CPM: variants seen among roughly 807,000 people sequenced by gnomAD.
CPM encodes the protein renal carboxypeptidase.
A neutral mutation model predicts 46.4 loss-of-function variants in CPM; 35 were observed. The ratio of observed to expected loss-of-function variants is 0.75; its 90% CI spans 0.58 to 1.00. The LOEUF (loss-of-function observed/expected upper bound fraction) is 1.00. Ranked by LOEUF, CPM falls within the 50% of genes least tolerant of loss-of-function variation. The probability of loss-of-function intolerance (pLI) is 0.00; values close to 1 mark genes in which losing one functional copy is unlikely to be tolerated. For missense variants in CPM, 422 were observed against 530.4 expected, an observed-to-expected ratio of 0.80 and a Z score of 2.01; for synonymous variants, 195 against 195.3, an observed-to-expected ratio of 1.00 and a Z score of 0.01.
intron 1 of CPM, among the ~76,000 whole-genome samples, chr12:68,945,525 G>GC (rs527538817): frequency 1.0e-3 from 152 of 152,332 alleles, no homozygotes; most frequent in African/African-American, 3.5e-3. Context: ...GGCAAGGGTT[G>GC]CCCCCAAGGT....
chr12:68,867,054 C>T lies in CPM; in HGVS notation c.788-6G>A, dbSNP rs1394126687. On this transcript the variant is annotated splice_polypyrimidine_tract_variant and splice_region_variant and intron_variant, in intron 6 of 8. Coordinates refer to ENST00000551568, the MANE Select transcript of CPM (RefSeq NM_198320.5). ...GTTGTAATCTTGCATTCCACCTAAA[C>T]ACAAGCATATTTAATTTTTGTTAGG... is the stretch of plus-strand genomic sequence containing the variant. 6.2e-7 allele frequency: 1 copy of T among 1,613,504 alleles called. No homozygotes were observed. The highest frequency in any genetic ancestry group is 8.5e-7 in the Non-Finnish European group (1 of 1,179,850).
At chr12:68,943,858 C>T (rs1888801738) in intron 1 of CPM, among the ~76,000 whole-genome samples, 1 of 151,642 alleles carries the variant, frequency 6.6e-6, no homozygotes, top group Non-Finnish European at 1.5e-5. Flanking sequence ...TCGAGAAAAC[C>T]ATTTCTGGAT....
intron 2 of CPM, among the ~76,000 whole-genome samples, chr12:68,923,614 C>A (rs1888130613): frequency 6.6e-6 from 1 of 152,060 alleles, no homozygotes; most frequent in African/African-American, 2.4e-5. Context: ...TTCAAAAGAT[C>A]AATATAGTGT....
At chr12:68,941,963 T>C (rs1185771373) in intron 1 of CPM, among the ~76,000 whole-genome samples, 10 of 152,248 alleles carry the variant, frequency 6.6e-5, no homozygotes. Context: ...TGGTTTTTGT[T>C]AAGGTCCAAG....
chr12:68,890,743 G>A (rs933651307), intron 2 of CPM, among the ~76,000 whole-genome samples: 4 of 152,154 alleles, frequency 2.6e-5, no homozygotes, highest in Non-Finnish European at 4.4e-5. Context: ...AACTGAATCC[G>A]AGGCCACCCC....
At chr12:68,914,960 T>A (rs941797412) in intron 2 of CPM, among the ~76,000 whole-genome samples, 3 of 152,182 alleles carry the variant, frequency 2.0e-5, no homozygotes, top group Non-Finnish European at 4.4e-5. Flanking sequence ...GTGTCAGGAT[T>A]TAAAATAATA....
downstream of CPM, chr12:68,847,164 CAT>C (rs1260462412): frequency 3.8e-5 from 3 of 78,202 alleles, no homozygotes; most frequent in South Asian, 2.9e-4. Flanking sequence ...ATATATAATA[CAT>C]ATGTGTTTAT....
At position 68,856,650 on chromosome 12, in the gene CPM, G is replaced by T. The variant is rs1329885741; in HGVS notation, c.1119C>A (p.Ile373=). 8.1e-6 allele frequency: 13 copies of T among 1,614,116 alleles called. No homozygotes were observed. The highest frequency in any genetic ancestry group is 1.0e-5 in the Non-Finnish European group (12 of 1,180,028). ...NVTVPGHDPH[I]TKVIIPEKSQ... The stretch of plus-strand genomic sequence containing the variant: ...ATTTCTCCGGAATAATCACCTTTGT[G>T]ATGTGTGGATCATGTCCAGGGACTG... The change falls in exon 9 of 9, where the codon ATC becomes ATA. Residue 373 remains isoleucine, a synonymous_variant. Transcript: ENST00000551568.
At chr12:68,963,209 G>T (rs151324350) in exon 1 of CPM, 15 of 186,372 alleles carry the variant, frequency 8.0e-5, no homozygotes, top group Non-Finnish European at 1.5e-4. Flanking sequence ...TTCCAGAAAG[G>T]GTCCTGTCCC....
At chr12:68,913,351 T>C (rs1887676749) in intron 2 of CPM, among the ~76,000 whole-genome samples, 1 of 152,144 alleles carries the variant, frequency 6.6e-6, no homozygotes, top group Non-Finnish European at 1.5e-5. Context: ...CTGGGCATTT[T>C]GAGATAGTTG....
intron 1 of CPM, among the ~76,000 whole-genome samples, chr12:68,941,500 G>C (rs1888761224): frequency 6.6e-6 from 1 of 151,654 alleles, no homozygotes; most frequent in Non-Finnish European, 1.5e-5. Flanking sequence ...GAGCCTCCCG[G>C]GTAGCTGGGA....
intron 5 of CPM, chr12:68,842,882 A>C (rs915241919): frequency 9.7e-5 from 20 of 206,866 alleles, no homozygotes; most frequent in African/African-American, 4.3e-4. Context: ...GTTATGCTGG[A>C]CTGTTTTGAT....
At chr12:68,865,930 T>C (rs567872394) in intron 7 of CPM, among the ~76,000 whole-genome samples, 12 of 152,084 alleles carry the variant, frequency 7.9e-5, no homozygotes, top group Non-Finnish European at 1.8e-4. Flanking sequence ...AAACTCCGGG[T>C]TGGGGCCTGG....
At chr12:68,868,208 G>T (rs1336743700) in intron 6 of CPM, among the ~76,000 whole-genome samples, 1 of 152,214 alleles carries the variant, frequency 6.6e-6, no homozygotes, top group Non-Finnish European at 1.5e-5. Context: ...CAGGGACGAT[G>T]CAGAAGCCCT....
intron 5 of CPM, 70 bp downstream of exon 5, chr12:68,870,145 A>G: frequency 4.8e-6 from 7 of 1,464,100 alleles, no homozygotes; most frequent in Non-Finnish European, 5.6e-6. Flanking sequence ...GCTGATCCCC[A>G]TCCAGAGGCA....
At position 68,885,651 on chromosome 12, in the gene CPM, A is replaced by C. The variant is rs548684714; in HGVS notation, c.258+141T>G. 3 of 660,592 alleles carry C rather than the reference A, an allele frequency of 4.5e-6. 1 individual carries two copies. The South Asian group carries it at 6.2e-5, about 14-fold the overall frequency. The allele number at this position is 660,592 out of a possible 1,614,324, so 40.9% of individuals were successfully genotyped here. A position where few individuals can be genotyped will look rare whatever the true frequency, so the allele number is the denominator to read the frequency against. On this transcript the variant is annotated intron_variant, in intron 3 of 8. Transcript: ENST00000551568. ...TTAACCTCCCACAGGCCTCACAGGA[A>C]GACCTCTCTGGGCCTTGCTTCTTTG... is the stretch of plus-strand genomic sequence containing the variant.
At chr12:68,944,264 A>G (rs1888807893) in intron 1 of CPM, among the ~76,000 whole-genome samples, 1 of 152,242 alleles carries the variant, frequency 6.6e-6, no homozygotes, top group African/African-American at 2.4e-5. Flanking sequence ...GGTGTAAAAG[A>G]GAAACATAGT....
chr12:68,940,033 A>G (rs1216910396), intron 1 of CPM, among the ~76,000 whole-genome samples: 1 of 151,762 alleles, frequency 6.6e-6, no homozygotes, highest in Non-Finnish European at 1.5e-5. Flanking sequence ...ATATATTCTT[A>G]GAAAGTTTAT....
intron 7 of CPM, among the ~76,000 whole-genome samples, chr12:68,865,980 C>T (rs980955899): frequency 2.0e-5 from 3 of 152,282 alleles, no homozygotes; most frequent in East Asian, 1.9e-4. Context: ...GTCCACTGCA[C>T]GTTTGAAAGC....
Sources: gnomAD v4.1 joint callset for allele counts (sites outside exome capture counted in the v4.1 genomes callset) on GRCh38, gnomAD v4.1.1 for gene constraint, MANE v1.5 for transcripts, NCBI Gene and HGNC (gene_info 2026-07-23, HGNC 2026-07-21) for gene names.